Variants in N4BP2L2 observed in about 807,000 individuals in gnomAD.
The protein encoded by N4BP2L2 is NEDD4 binding protein 2 like 2.
N4BP2L2 carries 50 observed loss-of-function variants against 56.2 expected under a neutral mutation model. The ratio of observed to expected loss-of-function variants is 0.89; its 90% confidence interval spans 0.71 to 1.13. N4BP2L2 has a LOEUF of 1.13. Ranked by LOEUF, N4BP2L2 falls within the 50% of genes most tolerant of loss-of-function variation. The pLI, the probability that N4BP2L2 is intolerant of heterozygous loss-of-function variation, is 0.00. For synonymous variants in N4BP2L2, 203 were observed against 223.6 expected, an observed-to-expected ratio of 0.91 and a Z score of 0.82; for missense variants, 689 against 693.8, an observed-to-expected ratio of 0.99 and a Z score of 0.08.
chr13:32,443,191 A>T lies in N4BP2L2; in HGVS notation c.1301T>A (p.Phe434Tyr), dbSNP rs377326307. The stretch of plus-strand genomic sequence containing the variant: ...ATCCATAGTTTCAGGTGGAGGTGAA[A>T]AATCTTCATTTCCTATCAGTAGTTT... Residue 434 changes from phenylalanine to tyrosine, a missense_variant, in exon 7 of 10, where the codon TTT becomes TAT. Physicochemically the swap from Phe to Tyr is conservative, Grantham distance 22. Coordinates refer to the N4BP2L2 transcript ENST00000357505. The T allele has an allele frequency of 4.3e-6, 7 of 1,613,754 alleles. No individual in the cohort carries two copies. In the African/African-American group the frequency reaches 9.3e-5, roughly 22 times the overall value.
chr13:32,436,860 C>CTATTTATTTATTTATT (rs147647946), intron 8 of N4BP2L2, among the ~76,000 whole-genome samples: 23 of 131,640 alleles, frequency 1.7e-4, no homozygotes, highest in East Asian at 8.8e-4. Flanking sequence ...TATCTAATAT[C>CTATTTATTTATTTATT]TATCTATTTA....
At chr13:32,537,087 T>G in intron 1 of N4BP2L2, 60 bp from the exon 2 acceptor site, 2 of 1,191,756 alleles carry the variant, frequency 1.7e-6, no homozygotes, top group Non-Finnish European at 2.2e-6. Context: ...AAATAAAATT[T>G]TCTTCAAAAA....
In N4BP2L2 at chr13:32,495,702, T is replaced by C. The variant is rs574163508; in HGVS notation, c.365+22155A>G. On this transcript the variant is annotated intron_variant, in intron 6 of 9. Coordinates refer to the N4BP2L2 transcript ENST00000357505. ...AATGCCCGCTGCCTCTTTTTTTTTT[T>C]AAATGGAGTCTCGCTCTGCTTCCCA... Among the ~76,000 whole-genome samples the C allele has an allele frequency of 7.9e-5, 12 of 151,926 alleles. No individual in the cohort carries two copies. In the South Asian group the frequency reaches 2.1e-3, roughly 26 times the overall value.
At chr13:32,460,283 C>T (rs1724350972) in intron 6 of N4BP2L2, among the ~76,000 whole-genome samples, 1 of 152,114 alleles carries the variant, frequency 6.6e-6, no homozygotes, top group South Asian at 2.1e-4. Context: ...CTATTCAATA[C>T]AGTACTGAGA....
chr13:32,471,892 C>G (rs2082371377), intron 6 of N4BP2L2, among the ~76,000 whole-genome samples: 7 of 152,236 alleles, frequency 4.6e-5, no homozygotes, highest in Admixed American at 4.6e-4. Context: ...GAAACTGACA[C>G]TGGGTGTGAC....
exon 6 of N4BP2L2, chr13:32,517,534 TC>T (rs1405923263): frequency 2.6e-6 from 3 of 1,167,872 alleles, no homozygotes; most frequent in Admixed American, 8.5e-5. Context: ...TAGAAAAACA[TC>T]CTAGCTCCTA....
exon 7 of N4BP2L2, chr13:32,442,571 C>T: frequency 1.2e-6 from 2 of 1,613,794 alleles, no homozygotes; most frequent in South Asian, 2.2e-5. Flanking sequence ...AAGTGAAAAT[C>T]AGAAGTGACT....
At chr13:32,488,815 CA>C (rs1160523648) in intron 6 of N4BP2L2, among the ~76,000 whole-genome samples, 1 of 151,758 alleles carries the variant, frequency 6.6e-6, no homozygotes, top group Admixed American at 6.6e-5. Context: ...AGAAATTAGG[CA>C]AAAAAAGAAA....
intron 6 of N4BP2L2, among the ~76,000 whole-genome samples, chr13:32,496,411 C>T (rs1485118149): frequency 3.9e-5 from 6 of 152,168 alleles, no homozygotes; most frequent in Non-Finnish European, 7.3e-5. Flanking sequence ...AAGAAACAGA[C>T]TTGGTTTCAA....
intron 2 of N4BP2L2, among the ~76,000 whole-genome samples, chr13:32,527,864 C>T (rs544251308): frequency 6.6e-5 from 10 of 152,004 alleles, no homozygotes; most frequent in East Asian, 5.8e-4. Context: ...CTCCGCCTCC[C>T]GGGTTCAAGT....
intron 6 of N4BP2L2, among the ~76,000 whole-genome samples, chr13:32,467,467 A>C (rs958353768): frequency 1.3e-5 from 2 of 151,476 alleles, no homozygotes; most frequent in African/African-American, 2.4e-5. Flanking sequence ...GAGTATTTTT[A>C]GGGTTTCGCT....
At chr13:32,453,880 AC>A (rs1253890868) in intron 6 of N4BP2L2, among the ~76,000 whole-genome samples, 1 of 152,158 alleles carries the variant, frequency 6.6e-6, no homozygotes, top group Non-Finnish European at 1.5e-5. Flanking sequence ...AAACACAACT[AC>A]CCAGTGTAGG....
intron 6 of N4BP2L2, among the ~76,000 whole-genome samples, chr13:32,501,020 C>A (rs1489793575): frequency 6.6e-6 from 1 of 152,072 alleles, no homozygotes; most frequent in Non-Finnish European, 1.5e-5. Flanking sequence ...AGGCATGCAT[C>A]ACGACGCCCA....
intron 6 of N4BP2L2, among the ~76,000 whole-genome samples, chr13:32,492,982 G>C (rs2087568143): frequency 6.9e-6 from 1 of 145,076 alleles, no homozygotes; most frequent in African/African-American, 2.6e-5. Flanking sequence ...CAGTGCTGTG[G>C]TACGATCTCA....
At chr13:32,462,943 T>G (rs1593574964) in intron 6 of N4BP2L2, among the ~76,000 whole-genome samples, 1 of 149,178 alleles carries the variant, frequency 6.7e-6, no homozygotes, top group Admixed American at 6.7e-5. Context: ...CACGGGAGGC[T>G]GAGGCAGGAG....
In N4BP2L2 at chr13:32,529,668, T is replaced by G. The variant is rs200765261; in HGVS notation, c.1260-2136A>C. Among the ~76,000 whole-genome samples, 93 of 144,108 alleles carry G rather than the reference T, an allele frequency of 6.5e-4. 1 individual carries two copies. In the East Asian group the frequency reaches 0.014, roughly 22 times the overall value. 94.5% of individuals were successfully genotyped at this position (144,108 alleles called of 152,430 possible). ...ATGCTTCCTTTTTTGTTTTTTTTTT[T>G]GTTTCGTTTTGTTTTGTTTTTTCCA... On this transcript the variant is annotated intron_variant, in intron 2 of 5. Transcript: ENST00000267068.
intron 2 of N4BP2L2, among the ~76,000 whole-genome samples, chr13:32,533,249 G>C (rs2055487541): frequency 6.6e-6 from 1 of 152,124 alleles, no homozygotes; most frequent in African/African-American, 2.4e-5. Context: ...AATCAATTAG[G>C]GGGAAAAGTG....
At chr13:32,532,236 T>C (rs2055028267) in intron 2 of N4BP2L2, among the ~76,000 whole-genome samples, 1 of 152,210 alleles carries the variant, frequency 6.6e-6, no homozygotes, top group Non-Finnish European at 1.5e-5. Context: ...CACAATAATC[T>C]GTAAAACAGA....
chr13:32,524,863 A>T (rs2052219428), intron 3 of N4BP2L2: 1 of 152,266 alleles, frequency 6.6e-6, no homozygotes, highest in Non-Finnish European at 1.5e-5. Flanking sequence ...CCCTGCCTCA[A>T]GCAATCCTCC....
Sources: allele counts gnomAD v4.1 joint callset (sites outside exome capture counted in the v4.1 genomes callset), GRCh38; gene constraint gnomAD v4.1.1; transcripts MANE v1.5; gene names NCBI Gene and HGNC (gene_info 2026-07-23, HGNC 2026-07-21).